AMBN: variants seen among roughly 807,000 people sequenced by gnomAD.
AMBN encodes enamel matrix protein.
In AMBN, 54 loss-of-function variants were observed where a neutral mutation model predicts 48.0. The ratio of observed to expected loss-of-function variants is 1.12; its 90% CI spans 0.90 to 1.41. AMBN has a LOEUF of 1.41. Ranked by LOEUF, AMBN falls within the 40% of genes most tolerant of loss-of-function variation. The probability of loss-of-function intolerance (pLI) is 0.00; values close to 1 mark genes in which losing one functional copy is unlikely to be tolerated. For missense variants in AMBN, 571 were observed against 547.3 expected, an observed-to-expected ratio of 1.04 and a Z score of -0.43; for synonymous variants, 186 against 190.0, an observed-to-expected ratio of 0.98 and a Z score of 0.17.
At position 70,601,626 on chromosome 4, in the gene AMBN, C is replaced by G. The variant is rs374781399; in HGVS notation, c.503C>G (p.Ala168Gly). The change falls in exon 6 of 13, where the codon GCA (alanine) becomes GGA (glycine). Residue 168 changes from alanine to glycine, a missense_variant. Ala to Gly is a moderately conservative substitution (Grantham distance 60, BLOSUM62 0). Transcript: ENST00000322937. The part of the protein sequence containing the change: ...GELPLVQQQV[A>G]PSDKPPKPEL... ...CTGCCTCTGGTTCAGCAGCAGGTGG[C>G]ACCATCAGATAAGCCACCAAAGCCT... 1.2e-6 allele frequency: 2 copies of G among 1,614,146 alleles called. No individual in the cohort carries two copies. The highest frequency in any genetic ancestry group is 2.2e-5 in the South Asian group (2 of 91,084).
At chr4:70,602,702 T>G (rs751374782) in intron 7 of AMBN, 40 bp downstream of exon 7, 1 of 1,527,074 alleles carries the variant, frequency 6.5e-7, no homozygotes, top group Non-Finnish European at 8.9e-7. Flanking sequence ...TGTATTTTAT[T>G]TTTTAATTTT....
At chr4:70,600,459 T>C (rs760273996) in intron 5 of AMBN, among the ~76,000 whole-genome samples, 55 of 152,276 alleles carry the variant, frequency 3.6e-4, no homozygotes, top group Middle Eastern at 6.8e-3. Flanking sequence ...CATTTAAGAA[T>C]GGCTCCAAGG....
chr4:70,600,054 C>T (rs1000390188), intron 5 of AMBN, among the ~76,000 whole-genome samples: 15 of 152,102 alleles, frequency 9.9e-5, no homozygotes, highest in African/African-American at 3.6e-4. Context: ...CGCCTGTAAT[C>T]CCAGCATTTT....
chr4:70,595,870 A>T (rs1164029086), intron 2 of AMBN, among the ~76,000 whole-genome samples: 1 of 152,208 alleles, frequency 6.6e-6, no homozygotes, highest in African/African-American at 2.4e-5. Context: ...AAACAAAAGG[A>T]AAAGGCTAGG....
intron 5 of AMBN, 34 bp downstream of exon 5, chr4:70,599,680 A>G (rs2109802148): frequency 6.7e-7 from 1 of 1,495,444 alleles, no homozygotes; most frequent in Non-Finnish European, 9.2e-7. Flanking sequence ...TTGAAACCTC[A>G]GGCTTTAAAA....
intron 2 of AMBN, among the ~76,000 whole-genome samples, chr4:70,594,456 T>C (rs1208019980): frequency 1.3e-5 from 2 of 152,162 alleles, no homozygotes; most frequent in East Asian, 1.9e-4. Context: ...TGAAAGTAAA[T>C]AAGACATGAT....
In AMBN at chr4:70,598,351, G is replaced by T. The variant is rs553328499; in HGVS notation, c.136-5G>T. 10 of 1,558,330 alleles carry T rather than the reference G, an allele frequency of 6.4e-6. No individual in the cohort carries two copies. The South Asian group carries it at 9.9e-5, about 16-fold the overall frequency. ...AAACAGTAACCCACTTTTTTTTCTT[G>T]ATAGACAATGAGACAGTTGGGAAGT... On this transcript the variant is annotated splice_region_variant and splice_polypyrimidine_tract_variant and intron_variant, in intron 3 of 12. Transcript: ENST00000322937.
rs1351556195 is a variant in AMBN at position 70,606,170 on chromosome 4, T to C, written c.799-15T>C. On this transcript the variant is annotated splice_polypyrimidine_tract_variant and intron_variant, in intron 12 of 12. Transcript: ENST00000322937. Reference sequence around the variant, plus strand: ...ATGTGATGATGGCATCTTTGACGAATGTTTTTTTTTCCAGGGCGGGAGAGA... The same window carrying C: ...ATGTGATGATGGCATCTTTGACGAACGTTTTTTTTTCCAGGGCGGGAGAGA... 3 of 1,611,794 alleles carry C rather than the reference T, an allele frequency of 1.9e-6. No homozygotes were observed. The highest frequency in any genetic ancestry group is 1.7e-6 in the Non-Finnish European group (2 of 1,178,422).
intron 3 of AMBN, 63 bp from the exon 4 acceptor site, chr4:70,598,293 G>T: frequency 8.6e-7 from 1 of 1,166,230 alleles, no homozygotes. Context: ...AATATCATGA[G>T]AAATCAGTTG....
chr4:70,600,053 T>A (rs1737482880), intron 5 of AMBN, among the ~76,000 whole-genome samples: 1 of 152,156 alleles, frequency 6.6e-6, no homozygotes. Flanking sequence ...ACGCCTGTAA[T>A]CCCAGCATTT....
Position 70,597,060 on chromosome 4 carries a change from T to A in AMBN, c.135+11T>A, listed in dbSNP as rs1438894732. 1 of 1,609,414 alleles carries A rather than the reference T, an allele frequency of 6.2e-7. No individual in the cohort carries two copies. ...AGTTTGAGCCTTGAGGTATGTATTGTCAGAATTTTTAACATATTAACTTTA... is the reference window on the plus strand; with the variant it reads ...AGTTTGAGCCTTGAGGTATGTATTGACAGAATTTTTAACATATTAACTTTA... On this transcript the variant is annotated intron_variant, in intron 3 of 12. Transcript: ENST00000322937.
At chr4:70,600,178 G>T (rs1737485851) in intron 5 of AMBN, among the ~76,000 whole-genome samples, 1 of 152,072 alleles carries the variant, frequency 6.6e-6, no homozygotes, top group Non-Finnish European at 1.5e-5. Flanking sequence ...ATGGTGGCAG[G>T]CACCTGTAAT....
At chr4:70,593,138 A>G (rs1221403788) in intron 1 of AMBN, among the ~76,000 whole-genome samples, 189 bp from the exon 2 acceptor site, 1 of 152,122 alleles carries the variant, frequency 6.6e-6, no homozygotes, top group Non-Finnish European at 1.5e-5. Context: ...TTGCTTGTTA[A>G]TTTATTTCAG....
rs1388306806 is a variant in AMBN at position 70,603,314 on chromosome 4, T to C, written c.703T>C (p.Ser235Pro). The C allele has an allele frequency of 1.9e-6, 3 of 1,613,530 alleles. No homozygotes were observed. The highest frequency in any genetic ancestry group is 1.3e-5 in the African/African-American group (1 of 74,888). Residue 235 changes from serine to proline, a missense_variant, in exon 10 of 13, where the codon TCT (serine) becomes CCT (proline). Physicochemically the swap from Ser to Pro is moderately conservative, Grantham distance 74 (BLOSUM62 -1). Transcript: ENST00000322937. ...SHGPMPQNKQ[S>P]PLYPGMLYVP... is the part of the protein sequence containing the mutation. ...CGGACCAATGCCACAAAATAAACAA[T>C]CTCCAGTAAGTTTTTTTTAATACCA...
intron 2 of AMBN, among the ~76,000 whole-genome samples, chr4:70,593,863 TAA>T (rs5859239): frequency 5.9e-3 from 813 of 138,184 alleles, no homozygotes; most frequent in African/African-American, 6.9e-3. Flanking sequence ...AGACTCCATT[TAA>T]AAAAAAAAAA....
At chr4:70,599,768 G>C (rs149467865) in intron 5 of AMBN, 122 bp downstream of exon 5, 1 of 608,634 alleles carries the variant, frequency 1.6e-6, no homozygotes, top group Non-Finnish European at 2.7e-6. Flanking sequence ...AATTATTCTC[G>C]TGCCAAATAA....
In AMBN at chr4:70,602,615, G is replaced by T; in HGVS notation, c.532-9G>T. The T allele has an allele frequency of 6.5e-7, 1 of 1,547,206 alleles. No individual in the cohort carries two copies. ...TGACTGATAATTTTAATATTTATCT[G>T]TGATATAGCTCCCAGGAGTAGATTT... On this transcript the variant is annotated splice_polypyrimidine_tract_variant and intron_variant, in intron 6 of 12. Transcript: ENST00000322937.
chr4:70,596,755 C>T (rs760313097), intron 2 of AMBN, among the ~76,000 whole-genome samples: 1 of 152,154 alleles, frequency 6.6e-6, no homozygotes, highest in Admixed American at 6.5e-5. Flanking sequence ...AGCAATGAAG[C>T]ATTAAGATGC....
At chr4:70,604,145 T>A (rs1737588092) in intron 12 of AMBN, among the ~76,000 whole-genome samples, 1 of 152,010 alleles carries the variant, frequency 6.6e-6, no homozygotes, top group Non-Finnish European at 1.5e-5. Flanking sequence ...GAGCATAGAG[T>A]TTTGCCCCAT....
Sources: gnomAD v4.1 joint callset for allele counts (sites outside exome capture counted in the v4.1 genomes callset) on GRCh38, gnomAD v4.1.1 for gene constraint, MANE v1.5 for transcripts, NCBI Gene and HGNC (gene_info 2026-07-23, HGNC 2026-07-21) for gene names.